CPQ: variants seen among roughly 807,000 people sequenced by gnomAD.
CPQ encodes the protein carboxypeptidase Q.
CPQ carries 37 observed loss-of-function variants against 45.7 expected under a neutral mutation model. The observed-to-expected ratio is 0.81, with a 90% CI of 0.62 to 1.07. The LOEUF (loss-of-function observed/expected upper bound fraction) is 1.07. Among genes scored for constraint, CPQ ranks in the 50% least tolerant of loss-of-function variants. The pLI is 0.00. For missense variants in CPQ, 537 were observed against 572.9 expected, an observed-to-expected ratio of 0.94 and a Z score of 0.64; for synonymous variants, 186 against 205.8, an observed-to-expected ratio of 0.90 and a Z score of 0.82.
At chr8:97,101,514 A>C (rs1018709948) in intron 7 of CPQ, among the ~76,000 whole-genome samples, 1 of 150,584 alleles carries the variant, frequency 6.6e-6, no homozygotes, top group African/African-American at 2.4e-5. Context: ...TCTGAGTCTA[A>C]AGCAGACATC....
At chr8:96,959,048 G>T (rs1417471250) in intron 4 of CPQ, among the ~76,000 whole-genome samples, 3 of 152,152 alleles carry the variant, frequency 2.0e-5, no homozygotes, top group African/African-American at 7.2e-5. Context: ...AATCATTGGG[G>T]AGGAAAATAT....
chr8:96,680,386 C>T (rs767732382), intron 1 of CPQ: 4 of 152,140 alleles, frequency 2.6e-5, no homozygotes, highest in Non-Finnish European at 5.9e-5. Flanking sequence ...TTGTCTTTCT[C>T]ATGCTATTCT....
intron 4 of CPQ, among the ~76,000 whole-genome samples, chr8:96,943,502 T>C (rs1034277122): frequency 7.2e-5 from 11 of 152,182 alleles, no homozygotes; most frequent in Admixed American, 3.3e-4. Context: ...TAAGCAGCAC[T>C]TTAAGTATTA....
intron 5 of CPQ, among the ~76,000 whole-genome samples, chr8:96,989,734 C>T (rs1176276876): frequency 6.6e-6 from 1 of 152,076 alleles, no homozygotes; most frequent in Non-Finnish European, 1.5e-5. Flanking sequence ...TTCTCTGTCT[C>T]CCCCTGAACC....
At chr8:96,971,774 A>G (rs1268993259) in intron 5 of CPQ, among the ~76,000 whole-genome samples, 1 of 152,074 alleles carries the variant, frequency 6.6e-6, no homozygotes, top group Admixed American at 6.5e-5. Flanking sequence ...TTTGGTTCTG[A>G]ATTTTGGTCT....
chr8:96,681,452 G>A (rs995299227), intron 1 of CPQ, among the ~76,000 whole-genome samples: 1 of 152,198 alleles, frequency 6.6e-6, no homozygotes, highest in African/African-American at 2.4e-5. Flanking sequence ...GAGTCTGTAG[G>A]TACACAGAAG....
intron 5 of CPQ, among the ~76,000 whole-genome samples, chr8:96,994,787 TC>T (rs1479947670): frequency 6.6e-6 from 1 of 151,994 alleles, no homozygotes; most frequent in Non-Finnish European, 1.5e-5. Context: ...CTCAACATGT[TC>T]CCTGCTTGGA....
intron 4 of CPQ, among the ~76,000 whole-genome samples, chr8:96,959,891 C>CAAAAAAAAAAAA (rs540520742): frequency 1.2e-5 from 1 of 80,552 alleles, no homozygotes; most frequent in Non-Finnish European, 2.9e-5. Flanking sequence ...ATCACAAAAG[C>CAAAAAAAAAAAA]AAAAAAAAAA....
chr8:97,140,019 A>AG (rs1812132414), intron 7 of CPQ, among the ~76,000 whole-genome samples: 1 of 151,838 alleles, frequency 6.6e-6, no homozygotes, highest in South Asian at 2.1e-4. Context: ...ATTTAAAAAA[A>AG]AAACAGAGAA....
intron 3 of CPQ, among the ~76,000 whole-genome samples, chr8:96,857,864 G>C (rs1335790265): frequency 2.6e-5 from 4 of 152,166 alleles, no homozygotes; most frequent in Non-Finnish European, 4.4e-5. Context: ...ACTGAGTTTA[G>C]CATCATGCTA....
At chr8:96,794,721 C>T (rs1044321144) in intron 2 of CPQ, among the ~76,000 whole-genome samples, 11 of 152,190 alleles carry the variant, frequency 7.2e-5, no homozygotes, top group African/African-American at 2.4e-4. Flanking sequence ...ACCCAAGTCA[C>T]ATCTTGAATG....
At chr8:96,675,423 G>A (rs1327895775) in intron 1 of CPQ, among the ~76,000 whole-genome samples, 3 of 151,862 alleles carry the variant, frequency 2.0e-5, no homozygotes, top group African/African-American at 7.3e-5. Flanking sequence ...TGTTCTAATT[G>A]GTACGTTACA....
At chr8:96,896,695 G>T (rs4576400) in intron 4 of CPQ, among the ~76,000 whole-genome samples, 4,809 of 152,048 alleles carry the variant, frequency 0.032, 190 homozygotes, top group Middle Eastern at 0.095. Context: ...AACTTCCATA[G>T]GTCTCTTTTT....
chr8:97,123,646 T>C (rs937805554), intron 7 of CPQ, among the ~76,000 whole-genome samples: 5 of 152,016 alleles, frequency 3.3e-5, no homozygotes, highest in Admixed American at 6.5e-5. Context: ...CAAGATGATA[T>C]AATACAAACT....
At chr8:96,878,072 C>T (rs1165754940) in intron 3 of CPQ, among the ~76,000 whole-genome samples, 3 of 152,136 alleles carry the variant, frequency 2.0e-5, no homozygotes, top group South Asian at 2.1e-4. Context: ...AAGTGATTCT[C>T]CTTCCTCGCT....
At chr8:96,800,401 G>A (rs1810990760) in intron 2 of CPQ, among the ~76,000 whole-genome samples, 1 of 152,184 alleles carries the variant, frequency 6.6e-6, no homozygotes, top group Non-Finnish European at 1.5e-5. Context: ...GAAGCATGGT[G>A]CTGCCATTCT....
intron 5 of CPQ, among the ~76,000 whole-genome samples, chr8:97,026,099 T>C (rs112952515): frequency 1.8e-3 from 280 of 152,298 alleles, no homozygotes; most frequent in African/African-American, 6.5e-3. Context: ...AAAGGTGTTC[T>C]GGGGCTCCTA....
rs1234472209 is a variant in CPQ, at chr8:97,041,320, T to G, written c.1053+11826T>G. On this transcript the variant is annotated intron_variant, in intron 6 of 7. Coordinates refer to ENST00000220763, the MANE Select transcript of CPQ (RefSeq NM_016134.4). ...TGGTGTATAAGAATGCTTGTGATTT[T>G]TGTACATTGATTTTGTATCCTGAGA... 2.1e-4 allele frequency among the ~76,000 whole-genome samples: 31 copies of G among 151,022 alleles called. No homozygotes were observed. In the South Asian group the frequency reaches 6.1e-3, roughly 30 times the overall value.
chr8:96,738,100 A>T (rs554966184), intron 1 of CPQ, among the ~76,000 whole-genome samples: 1 of 152,148 alleles, frequency 6.6e-6, no homozygotes. Context: ...TGAGATATAG[A>T]TTCTCTGAAA....
Sources: allele counts gnomAD v4.1 joint callset (sites outside exome capture counted in the v4.1 genomes callset), GRCh38; gene constraint gnomAD v4.1.1; transcripts MANE v1.5; gene names NCBI Gene and HGNC (gene_info 2026-07-23, HGNC 2026-07-21).